The following MYO3A variants were observed in gnomAD, a reference collection of about 807,000 sequenced individuals.
MYO3A encodes myosin IIIA, also known as myosin-IIIa.
Under a neutral mutation model 192.7 loss-of-function variants are expected in MYO3A, and 180 were observed. The observed-to-expected ratio is 0.93, with a 90% confidence interval of 0.83 to 1.06. The LOEUF (loss-of-function observed/expected upper bound fraction) is 1.06, where lower values mean the gene tolerates loss of function less well. Ranked by LOEUF, MYO3A falls within the 50% of genes least tolerant of loss-of-function variation. The pLI, the probability that MYO3A is intolerant of heterozygous loss-of-function variation, is 0.00. For missense variants in MYO3A, 1,896 were observed against 1,905.0 expected (o/e 1.00, Z 0.09); for synonymous variants, 628 against 645.3 (o/e 0.97, Z 0.41).
At chr10:26,186,696 T>A (rs1397698884) in intron 31 of MYO3A, among the ~76,000 whole-genome samples, 2 of 152,254 alleles carry the variant, frequency 1.3e-5, no homozygotes, top group Non-Finnish European at 2.9e-5. Flanking sequence ...TTTGTGCATC[T>A]TGAATTTTCT....
chr10:25,958,666 A>G (rs1056819230), intron 4 of MYO3A, among the ~76,000 whole-genome samples: 2 of 152,186 alleles, frequency 1.3e-5, no homozygotes, highest in African/African-American at 4.8e-5. Context: ...CATTGAATCT[A>G]TAAATTGCTT....
At chr10:26,125,689 T>A in intron 19 of MYO3A, 81 bp downstream of exon 19, 1 of 1,200,168 alleles carries the variant, frequency 8.3e-7, no homozygotes. Flanking sequence ...TTTGTATAGA[T>A]CTCTTTCAAG....
rs771970398 is a variant in MYO3A, at chr10:26,174,047, G to A, written c.3783G>A (p.Lys1261=). Residue 1261 remains lysine (K), a synonymous_variant, in exon 30 of 35, where the codon AAG becomes AAA. Transcript: ENST00000642920. ...EESKAAYLER[K]AISERPSYPV... ...CAAAAGCAGCATATCTAGAAAGGAAGGCCATATCAGAAAGGCCAAGCTACC... is the reference window on the plus strand; with the variant it reads ...CAAAAGCAGCATATCTAGAAAGGAAAGCCATATCAGAAAGGCCAAGCTACC... 24 of 1,613,720 alleles carry A rather than the reference G, an allele frequency of 1.5e-5. No individual in the cohort carries two copies. Among genetic ancestry groups the A allele is most frequent in the African/African-American group, 2.7e-5 (2 of 74,840 alleles).
At position 26,070,455 on chromosome 10, in the gene MYO3A, CTT is replaced by C. The variant is rs1490297829; in HGVS notation, c.1359+55_1359+56del. ...CAGAAATATTTGTTGAATTTCATAACTTAATATAACTGATTAGATTAATATTC... is the reference window on the plus strand; with the variant it reads ...CAGAAATATTTGTTGAATTTCATAACAATATAACTGATTAGATTAATATTC... On this transcript the variant is annotated intron_variant, in intron 14 of 34. Coordinates refer to ENST00000642920, the MANE Select transcript of MYO3A (RefSeq NM_017433.5). 5.0e-6 allele frequency: 7 copies of C among 1,394,244 alleles called. No homozygotes were observed. The African/African-American group carries it at 7.1e-5, about 14-fold the overall frequency. 86.4% of individuals were successfully genotyped at this position (1,394,244 alleles called of 1,614,324 possible). A position where few individuals can be genotyped will look rare whatever the true frequency, so the allele number is the denominator to read the frequency against.
At chr10:26,082,696 G>A (rs12247598) in intron 14 of MYO3A, among the ~76,000 whole-genome samples, 72,118 of 151,840 alleles carry the variant, frequency 0.47, 17,934 homozygotes, top group Middle Eastern at 0.59. Context: ...TAAAAATAAA[G>A]TATAACACTA....
In MYO3A at chr10:26,143,589, C is replaced by A. The variant is rs866920466; in HGVS notation, c.2404C>A (p.Gln802Lys). 1.2e-6 allele frequency: 2 copies of A among 1,613,874 alleles called. No individual in the cohort carries two copies. Among genetic ancestry groups the A allele is most frequent in the East Asian group, 4.5e-5 (2 of 44,854 alleles). Residue 802 changes from glutamine to lysine, a missense_variant, in exon 21 of 35, where the codon CAG becomes AAG. Physicochemically the swap from Gln to Lys is moderately conservative, Grantham distance 53 (BLOSUM62 1). Transcript: ENST00000642920. Reference protein sequence around the residue: ...EESRFPKATDQTLVEKFEGNL... With the variant: ...EESRFPKATDKTLVEKFEGNL... Reference sequence around the variant, plus strand: ...AAGTAGATTTCCCAAGGCCACTGACCAGACTCTTGTAGGTGAGTTTTCAGT... The same window carrying A: ...AAGTAGATTTCCCAAGGCCACTGACAAGACTCTTGTAGGTGAGTTTTCAGT...
At chr10:26,019,147 C>CT (rs1190271535) in intron 7 of MYO3A, among the ~76,000 whole-genome samples, 1 of 152,020 alleles carries the variant, frequency 6.6e-6, no homozygotes, top group African/African-American at 2.4e-5. Flanking sequence ...TCATCTTTGC[C>CT]TAAACTCTCC....
chr10:26,075,184 T>C (rs1052908974), intron 14 of MYO3A, among the ~76,000 whole-genome samples: 2 of 152,128 alleles, frequency 1.3e-5, no homozygotes, highest in Admixed American at 1.3e-4. Flanking sequence ...ATGATGGCTC[T>C]AAATTTTTCT....
In MYO3A at chr10:26,113,857, A is replaced by G. The variant is rs140420486; in HGVS notation, c.1777-6819A>G. 2.9e-4 allele frequency among the ~76,000 whole-genome samples: 44 copies of G among 152,332 alleles called. 1 individual carries two copies. In the East Asian group the frequency reaches 8.3e-3, roughly 29 times the overall value. On this transcript the variant is annotated intron_variant, in intron 17 of 34. Transcript: ENST00000642920. ...TAATTTCTGAATCACTTCGAACTCT[A>G]TGATTCCATGACTAAAATTGAGGGG...
At chr10:26,166,026 C>T in intron 26 of MYO3A, 41 bp from the exon 27 acceptor site, 1 of 1,511,542 alleles carries the variant, frequency 6.6e-7, no homozygotes, top group Non-Finnish European at 9.2e-7. Flanking sequence ...GAGATGTTGG[C>T]ACTTTATGCA....
intron 10 of MYO3A, among the ~76,000 whole-genome samples, chr10:26,050,013 T>G (rs952188339): frequency 4.7e-5 from 7 of 150,396 alleles, no homozygotes; most frequent in Admixed American, 2.0e-4. Context: ...CAGTGAGGTG[T>G]GAGTTATGGT....
At chr10:26,028,269 T>C (rs1842648948) in intron 10 of MYO3A, among the ~76,000 whole-genome samples, 1 of 152,208 alleles carries the variant, frequency 6.6e-6, no homozygotes, top group African/African-American at 2.4e-5. Flanking sequence ...AGGAAATAAA[T>C]GACTTAGCAA....
intron 10 of MYO3A, among the ~76,000 whole-genome samples, chr10:26,041,778 T>G (rs1843363011): frequency 6.6e-6 from 1 of 152,140 alleles, no homozygotes. Flanking sequence ...GTCCATATCT[T>G]CTTGTACTGT....
rs1167691102 is a variant in MYO3A, at chr10:26,120,547, G to GGAT, written c.1777-129_1777-128insGAT. The GGAT allele has an allele frequency of 3.2e-5, 39 of 1,204,068 alleles. No individual in the cohort carries two copies. In the Admixed American group the frequency reaches 6.5e-4, roughly 20 times the overall value. 74.6% of individuals were successfully genotyped at this position (1,204,068 alleles called of 1,614,324 possible). ...CTGAGCCTACTTGGATCTCAGTGTG[G>GGAT]CGTCATCATAGTCTGTGGATAGATA... On this transcript the variant is annotated intron_variant, in intron 17 of 34. Coordinates refer to ENST00000642920, the MANE Select transcript of MYO3A (RefSeq NM_017433.5).
At chr10:26,148,780 C>A (rs538083814) in intron 23 of MYO3A, among the ~76,000 whole-genome samples, 2 of 152,122 alleles carry the variant, frequency 1.3e-5, no homozygotes, top group Admixed American at 1.3e-4. Flanking sequence ...AACTGAAATT[C>A]TGGTTTTTGC....
intron 29 of MYO3A, among the ~76,000 whole-genome samples, chr10:26,173,352 T>C (rs1433516470): frequency 2.0e-5 from 3 of 152,218 alleles, no homozygotes; most frequent in Admixed American, 1.3e-4. Flanking sequence ...TTGAAAAGGA[T>C]ATATTTTGAA....
At chr10:26,155,404 C>G (rs1252184098) in intron 25 of MYO3A, among the ~76,000 whole-genome samples, 1 of 151,958 alleles carries the variant, frequency 6.6e-6, no homozygotes, top group African/African-American at 2.4e-5. Flanking sequence ...CTTTTTTTTC[C>G]TCTGTGCTCT....
intron 9 of MYO3A, among the ~76,000 whole-genome samples, chr10:26,025,889 C>G (rs928445316): frequency 6.6e-6 from 1 of 152,180 alleles, no homozygotes; most frequent in Non-Finnish European, 1.5e-5. Context: ...GCTGAGTGGC[C>G]TTCTCAAATG....
In MYO3A at chr10:26,197,963, C is replaced by T. The variant is rs1324374678; in HGVS notation, c.4546-3302C>T. ...TCTATGGAGGCGAGGCCTATGCTCG[C>T]TGTTACAGCCATACTCCTCAGAACA... is the stretch of plus-strand genomic sequence containing the variant. On this transcript the variant is annotated intron_variant, in intron 32 of 34. Coordinates refer to ENST00000642920, the MANE Select transcript of MYO3A (RefSeq NM_017433.5). 3.3e-5 allele frequency among the ~76,000 whole-genome samples: 5 copies of T among 152,248 alleles called. 1 individual carries two copies. The South Asian group carries it at 1.0e-3, about 32-fold the overall frequency.
Sources: gnomAD v4.1 joint callset for allele counts (sites outside exome capture counted in the v4.1 genomes callset) on GRCh38, gnomAD v4.1.1 for gene constraint, MANE v1.5 for transcripts, NCBI Gene and HGNC (gene_info 2026-07-23, HGNC 2026-07-21) for gene names.